The following TRANK1 variants were observed in gnomAD, a reference collection of about 807,000 sequenced individuals.
The protein encoded by TRANK1 is TPR and ankyrin repeat-containing protein 1.
A neutral mutation model predicts 266.0 loss-of-function variants in TRANK1; 198 were observed. That is an observed-to-expected ratio of 0.74 (90% confidence interval 0.66 to 0.84). The LOEUF (loss-of-function observed/expected upper bound fraction) is 0.84. Ranked by LOEUF, TRANK1 falls within the 40% of genes least tolerant of loss-of-function variation. The pLI, the probability that TRANK1 is intolerant of heterozygous loss-of-function variation, is 0.00. For missense variants in TRANK1, 3,326 were observed against 3,634.6 expected (o/e 0.92, Z 2.18); for synonymous variants, 1,396 against 1,384.1 (o/e 1.01, Z -0.19).
At chr3:36,845,904 G>A (rs1030279851) in intron 17 of TRANK1, among the ~76,000 whole-genome samples, 2 of 152,176 alleles carry the variant, frequency 1.3e-5, no homozygotes, top group Non-Finnish European at 2.9e-5. Flanking sequence ...TTGGGTCAAA[G>A]TATGTACCAT....
At position 36,900,851 on chromosome 3, in the gene TRANK1, C is replaced by CAAAAAAAAAAA. The variant is rs138198488; in HGVS notation, c.283-1603_283-1593dup. On this transcript the variant is annotated intron_variant, in intron 3 of 23. Coordinates refer to ENST00000645898, the MANE Select transcript of TRANK1 (RefSeq NM_001329998.2). ...TGGGTGACAAAGCAAGACCCTGTCTCAAAAAAAAAAAAAAAAAAAAAAAAA... is the reference window on the plus strand; with the variant it reads ...TGGGTGACAAAGCAAGACCCTGTCTCAAAAAAAAAAAAAAAAAAAAAAAAAAAAAAAAAAAA... Among the ~76,000 whole-genome samples the CAAAAAAAAAAA allele has an allele frequency of 2.6e-3, 163 of 62,940 alleles. 24 individuals are homozygous for CAAAAAAAAAAA. Among genetic ancestry groups the CAAAAAAAAAAA allele is most frequent in the Admixed American group, 3.6e-3 (19 of 5,302 alleles). 41.3% of individuals were successfully genotyped at this position (62,940 alleles called of 152,430 possible).
At chr3:36,943,940 C>T (rs2080533531) in intron 1 of TRANK1, among the ~76,000 whole-genome samples, 1 of 152,092 alleles carries the variant, frequency 6.6e-6, no homozygotes. Context: ...CTAGGAAGCA[C>T]CAAAGCTTTC....
At chr3:36,873,956 TAA>T (rs373590008) in intron 9 of TRANK1, among the ~76,000 whole-genome samples, 168 bp downstream of exon 9, 53 of 126,742 alleles carry the variant, frequency 4.2e-4, no homozygotes, top group Admixed American at 7.2e-4. Flanking sequence ...ATTCTACCTT[TAA>T]AAAAAAAAAA....
intron 1 of TRANK1, among the ~76,000 whole-genome samples, chr3:36,927,327 A>C (rs1416096604): frequency 2.6e-5 from 4 of 152,230 alleles, no homozygotes; most frequent in Non-Finnish European, 4.4e-5. Flanking sequence ...TGCAGAAAAG[A>C]AGTCAGGCTG....
intron 2 of TRANK1, among the ~76,000 whole-genome samples, chr3:36,905,079 G>A (rs2079943665): frequency 5.3e-5 from 8 of 151,986 alleles, no homozygotes; most frequent in Admixed American, 5.2e-4. Context: ...ACGAGGTCAG[G>A]AGATCGAGAC....
Position 36,892,901 on chromosome 3 carries a change from C to A in TRANK1, c.636G>T (p.Glu212Asp). Reference protein sequence around the residue: ...VPELSLKSLFEKYVFIGLYEK... With the variant: ...VPELSLKSLFDKYVFIGLYEK... ...TATATAGATATATATATCACCTTACCTCAAAGAGACTTTTCAGTGATAACT... is the reference window on the plus strand; with the variant it reads ...TATATAGATATATATATCACCTTACATCAAAGAGACTTTTCAGTGATAACT... Residue 212 changes from glutamate to aspartate, a missense_variant and splice_region_variant, in exon 6 of 24, where the codon GAG becomes GAT. By Grantham distance (45) the Glu-to-Asp change is conservative (BLOSUM62 2). Coordinates refer to ENST00000645898, the MANE Select transcript of TRANK1 (RefSeq NM_001329998.2). 1 of 1,435,930 alleles carries A rather than the reference C, an allele frequency of 7.0e-7. No individual in the cohort carries two copies. 88.9% of individuals were successfully genotyped at this position (1,435,930 alleles called of 1,614,324 possible). A position where few individuals can be genotyped will look rare whatever the true frequency, so the allele number is the denominator to read the frequency against.
In TRANK1 at chr3:36,831,333, C is replaced by G; in HGVS notation, c.8250G>C (p.Glu2750Asp). The change falls in exon 22 of 24, where the codon GAG becomes GAC. Residue 2750 changes from glutamate to aspartate, a missense_variant. Coordinates refer to ENST00000645898, the MANE Select transcript of TRANK1 (RefSeq NM_001329998.2). The surrounding 1 kb of genome is among the most constrained non-coding windows in gnomAD (Gnocchi z 5.0). ...VGTQMERVRE[E>D]AREPRAGNFK... is the part of the protein sequence containing the mutation. Reference sequence around the variant, plus strand: ...AGTTCCCAGCCCTGGGCTCCCTGGCCTCCTCCCTGACACGCTCCATCTGGG... The same window carrying G: ...AGTTCCCAGCCCTGGGCTCCCTGGCGTCCTCCCTGACACGCTCCATCTGGG... The G allele has an allele frequency of 6.2e-7, 1 of 1,613,688 alleles. No individual in the cohort carries two copies. Among genetic ancestry groups the G allele is most frequent in the Non-Finnish European group, 8.5e-7 (1 of 1,179,812 alleles).
intron 15 of TRANK1, chr3:36,851,374 C>T: frequency 9.7e-7 from 1 of 1,033,334 alleles, no homozygotes; most frequent in Non-Finnish European, 1.2e-6. Flanking sequence ...ACCTTGGCTT[C>T]ATCTGTAAGG....
intron 9 of TRANK1, among the ~76,000 whole-genome samples, chr3:36,873,924 C>A (rs2079346687): frequency 6.8e-6 from 1 of 147,436 alleles, no homozygotes. Context: ...GTCATAGCAT[C>A]TCTCTAAATA....
intron 10 of TRANK1, among the ~76,000 whole-genome samples, chr3:36,863,072 T>TCAGC (rs2079167169): frequency 6.6e-6 from 1 of 152,020 alleles, no homozygotes; most frequent in South Asian, 2.1e-4. Context: ...AGAGACCCAC[T>TCAGC]CAGCTCTGGA....
At position 36,855,676 on chromosome 3, in the gene TRANK1, T is replaced by G; in HGVS notation, c.4046A>C (p.Glu1349Ala). 2 of 1,613,866 alleles carry G rather than the reference T, an allele frequency of 1.2e-6. No individual in the cohort carries two copies. Among genetic ancestry groups the G allele is most frequent in the Non-Finnish European group, 1.7e-6 (2 of 1,179,868 alleles). Residue 1349 changes from glutamate (E) to alanine (A), a missense_variant, in exon 13 of 24, where the codon GAA becomes GCA. Transcript: ENST00000645898. ...AGAACCCTTTAGAAAAGATTTTATT[T>G]CTTTCCAAATCAGTGCAGGGTTGTA... ...TAYNPALIWK[E>A]IKSFLKGSFE...
intron 2 of TRANK1, among the ~76,000 whole-genome samples, chr3:36,906,194 C>G (rs1346395745): frequency 6.6e-6 from 1 of 152,230 alleles, no homozygotes; most frequent in Non-Finnish European, 1.5e-5. Context: ...CAGACACAAG[C>G]TAATTACACT....
chr3:36,860,761 T>A, intron 11 of TRANK1, 145 bp downstream of exon 11: 1 of 1,259,324 alleles, frequency 7.9e-7, no homozygotes, highest in Non-Finnish European at 1.1e-6. Flanking sequence ...TCCATCACTG[T>A]TTCAAAACAA....
chr3:36,869,801 G>A (rs891780326), intron 9 of TRANK1, among the ~76,000 whole-genome samples: 1 of 152,212 alleles, frequency 6.6e-6, no homozygotes, highest in Non-Finnish European at 1.5e-5. Flanking sequence ...TTCTTCAGAT[G>A]CATGAGCCAC....
rs1160362829 is a variant in TRANK1 at position 36,858,649 on chromosome 3, A to C, written c.1672+69T>G. ...GTTTACACAAAAGGAAAGACCAGAA[A>C]ACATAGCATCAGTTCTAATATCCAG... On this transcript the variant is annotated intron_variant, in intron 12 of 23. Transcript: ENST00000645898. 7.1e-6 allele frequency: 10 copies of C among 1,402,854 alleles called. No homozygotes were observed. The Admixed American group carries it at 2.9e-4, about 41-fold the overall frequency. The allele number at this position is 1,402,854 out of a possible 1,614,324, so 86.9% of individuals were successfully genotyped here. A position where few individuals can be genotyped will look rare whatever the true frequency, so the allele number is the denominator to read the frequency against.
chr3:36,872,141 C>T (rs558158565), intron 9 of TRANK1, among the ~76,000 whole-genome samples: 1 of 152,302 alleles, frequency 6.6e-6, no homozygotes, highest in African/African-American at 2.4e-5. Context: ...TGGCTCATGC[C>T]TATAATCCCA....
At chr3:36,860,780 A>G in intron 11 of TRANK1, 126 bp downstream of exon 11, 1 of 1,341,828 alleles carries the variant, frequency 7.5e-7, no homozygotes, top group Non-Finnish European at 9.9e-7. Flanking sequence ...AAGAATATAC[A>G]GGGTAGGCAA....
intron 1 of TRANK1, among the ~76,000 whole-genome samples, chr3:36,912,292 C>T (rs1397529820): frequency 5.9e-5 from 9 of 152,148 alleles, no homozygotes; most frequent in Non-Finnish European, 8.8e-5. Context: ...TTGCCACAGT[C>T]ACACTGAAAT....
intron 2 of TRANK1, among the ~76,000 whole-genome samples, chr3:36,904,257 G>T (rs956493276): frequency 6.6e-6 from 1 of 152,060 alleles, no homozygotes; most frequent in Admixed American, 6.5e-5. Context: ...TAGGCCAGGC[G>T]CAGTGGCTCA....
Sources: gnomAD v4.1 joint callset for allele counts (sites outside exome capture counted in the v4.1 genomes callset) on GRCh38, gnomAD v4.1.1 for gene constraint, Gnocchi (gnomAD v3.1) non-coding constraint, MANE v1.5 for transcripts, NCBI Gene and HGNC (gene_info 2026-07-23, HGNC 2026-07-21) for gene names.